KIRREL1: variants seen among roughly 807,000 people sequenced by gnomAD.
KIRREL1 encodes the protein kin of IRRE-like protein 1.
Under a neutral mutation model 83.3 loss-of-function variants are expected in KIRREL1, and 25 were observed. That is an observed-to-expected ratio of 0.30 (90% CI 0.22 to 0.42). The LOEUF is 0.42. Ranked by LOEUF, KIRREL1 falls within the 10% of genes least tolerant of loss-of-function variation. The pLI is 1.00. For missense variants in KIRREL1, 812 were observed against 1,032.3 expected (o/e 0.79, Z 2.92); for synonymous variants, 388 against 410.4 (o/e 0.95, Z 0.66).
In KIRREL1 at chr1:158,094,756, C is replaced by T; in HGVS notation, c.1910C>T (p.Pro637Leu). Reference protein sequence around the residue: ...APGPARFDGRPSSRLSHSSGY... With the variant: ...APGPARFDGRLSSRLSHSSGY... ...GGCCCTGCCCGCTTCGACGGCCGCC[C>T]CTCATCCCGTCTCTCCCACTCCAGC... is the stretch of plus-strand genomic sequence containing the variant. The change falls in exon 15 of 15, where the codon CCC becomes CTC. Residue 637 changes from proline (P) to leucine (L), a missense_variant. By Grantham distance (98) the Pro-to-Leu change is moderately conservative (BLOSUM62 -3). This residue lies in a region of KIRREL1 where 334 missense variants were observed against 383.7 expected (regional missense o/e 0.87). Coordinates refer to ENST00000359209, the MANE Select transcript of KIRREL1 (RefSeq NM_018240.7). This position sits in a 1 kb window ranked among gnomAD's most constrained non-coding sequence, Gnocchi z 4.6. 1 of 1,613,920 alleles carries T rather than the reference C, an allele frequency of 6.2e-7. No individual in the cohort carries two copies. The highest frequency in any genetic ancestry group is 8.5e-7 in the Non-Finnish European group (1 of 1,179,990).
chr1:158,072,685 T>A (rs1327663065), intron 1 of KIRREL1, among the ~76,000 whole-genome samples: 1 of 151,746 alleles, frequency 6.6e-6, no homozygotes, highest in Non-Finnish European at 1.5e-5. Flanking sequence ...CAATGCTGGG[T>A]GGAACTTGGA....
chr1:158,000,543 T>C (rs1659332746), intron 1 of KIRREL1, among the ~76,000 whole-genome samples: 1 of 152,226 alleles, frequency 6.6e-6, no homozygotes, highest in Non-Finnish European at 1.5e-5. Context: ...TGTCAGACAA[T>C]GCGAACCTAA....
chr1:158,078,955 C>T (rs1661766084), intron 3 of KIRREL1, among the ~76,000 whole-genome samples: 1 of 151,594 alleles, frequency 6.6e-6, no homozygotes, highest in Admixed American at 6.6e-5. Flanking sequence ...ACACCCCTTG[C>T]CCCCCCTCAC....
chr1:158,075,044 A>G (rs1212902259), intron 1 of KIRREL1, among the ~76,000 whole-genome samples: 1 of 151,762 alleles, frequency 6.6e-6, no homozygotes, highest in Non-Finnish European at 1.5e-5. Context: ...TCCTTCAGTC[A>G]CTCCCTTGTC....
rs1312492501 is a variant in KIRREL1 at position 158,087,845 on chromosome 1, A to C, written c.752A>C (p.Glu251Ala). The C allele has an allele frequency of 6.2e-7, 1 of 1,613,834 alleles. No individual in the cohort carries two copies. Among genetic ancestry groups the C allele is most frequent in the African/African-American group, 1.3e-5 (1 of 74,882 alleles). ...VFTCQATANP[E>A]ILGYRWAKGG... ...ACCTGCCAGGCCACAGCCAACCCCGAGATCTTGGGCTACAGGTGAGGGGGT... is the reference window on the plus strand; with the variant it reads ...ACCTGCCAGGCCACAGCCAACCCCGCGATCTTGGGCTACAGGTGAGGGGGT... Residue 251 changes from glutamate (E) to alanine (A), a missense_variant, in exon 6 of 15, where the codon GAG (glutamate) becomes GCG (alanine). Transcript: ENST00000359209.
Position 158,089,490 on chromosome 1 carries a change from C to G in KIRREL1, c.1045-12C>G, listed in dbSNP as rs1048701791. The G allele has an allele frequency of 2.5e-6, 4 of 1,613,916 alleles. No homozygotes were observed. Among genetic ancestry groups the G allele is most frequent in the East Asian group, 2.2e-5 (1 of 44,886 alleles). The stretch of plus-strand genomic sequence containing the variant: ...TCCTGGCTCCCCACCCGAGGCTGCT[C>G]TCTCTGCCCAGGTCCTGAGTAACAG... On this transcript the variant is annotated splice_polypyrimidine_tract_variant and intron_variant, in intron 8 of 14. Coordinates refer to ENST00000359209, the MANE Select transcript of KIRREL1 (RefSeq NM_018240.7).
chr1:158,091,220 G>A, intron 10 of KIRREL1, 138 bp from the exon 11 acceptor site: 2 of 690,908 alleles, frequency 2.9e-6, no homozygotes, highest in Non-Finnish European at 2.4e-6. Context: ...TTTGTTACAG[G>A]GAGGTGTTAG....
intron 1 of KIRREL1, among the ~76,000 whole-genome samples, chr1:158,073,090 A>G (rs1661564946): frequency 6.6e-6 from 1 of 152,136 alleles, no homozygotes; most frequent in Non-Finnish European, 1.5e-5. Flanking sequence ...CATCTGAACT[A>G]TATTTGGGAT....
intron 1 of KIRREL1, among the ~76,000 whole-genome samples, chr1:158,014,160 G>C (rs762589993): frequency 6.6e-6 from 1 of 151,890 alleles, no homozygotes; most frequent in African/African-American, 2.4e-5. Flanking sequence ...GGAGGGCAAC[G>C]AGGAAGGTAA....
chr1:158,049,656 T>G (rs1271963208), intron 1 of KIRREL1, among the ~76,000 whole-genome samples: 1 of 152,108 alleles, frequency 6.6e-6, no homozygotes, highest in Non-Finnish European at 1.5e-5. Context: ...AGCAGGCTGG[T>G]GACAGGGGAA....
intron 3 of KIRREL1, among the ~76,000 whole-genome samples, chr1:158,081,947 A>G (rs1661873243): frequency 6.6e-6 from 1 of 152,124 alleles, no homozygotes; most frequent in Admixed American, 6.5e-5. Context: ...CCCATCCAGG[A>G]TCTTCCTCCT....
intron 1 of KIRREL1, among the ~76,000 whole-genome samples, chr1:158,058,093 T>A (rs2101601396): frequency 6.6e-6 from 1 of 152,302 alleles, no homozygotes; most frequent in South Asian, 2.1e-4. Context: ...CCTCATAGAT[T>A]GCTTGTATCT....
chr1:158,009,250 A>C (rs939145567), intron 1 of KIRREL1, among the ~76,000 whole-genome samples: 1 of 152,000 alleles, frequency 6.6e-6, no homozygotes, highest in Non-Finnish European at 1.5e-5. Flanking sequence ...GACATATTGA[A>C]TTTTCTTTCA....
chr1:158,081,276 G>A (rs559608279), intron 3 of KIRREL1, among the ~76,000 whole-genome samples: 4 of 152,288 alleles, frequency 2.6e-5, no homozygotes, highest in East Asian at 1.9e-4. Flanking sequence ...TCGAGCCTCC[G>A]TTCCTTATCT....
intron 1 of KIRREL1, among the ~76,000 whole-genome samples, chr1:158,010,612 C>G (rs1456435975): frequency 1.3e-5 from 2 of 152,200 alleles, no homozygotes; most frequent in Non-Finnish European, 2.9e-5. Context: ...AAAGGTTTTG[C>G]TGAATCTTGT....
intron 1 of KIRREL1, among the ~76,000 whole-genome samples, chr1:158,052,365 G>C (rs931423064): frequency 1.3e-5 from 2 of 152,118 alleles, no homozygotes; most frequent in African/African-American, 4.8e-5. Flanking sequence ...CTTAGTCTAA[G>C]TGATATCTCC....
chr1:158,084,635 CT>C, intron 4 of KIRREL1, 56 bp downstream of exon 4: 1 of 1,525,550 alleles, frequency 6.6e-7, no homozygotes. Flanking sequence ...CTCACCTCTC[CT>C]TTCCCACAGG....
chr1:158,022,117 C>A (rs1230393878), intron 1 of KIRREL1, among the ~76,000 whole-genome samples: 1 of 151,916 alleles, frequency 6.6e-6, no homozygotes, highest in Non-Finnish European at 1.5e-5. Context: ...ATTTTGGGTT[C>A]TGGAGAAGTG....
intron 11 of KIRREL1, among the ~76,000 whole-genome samples, chr1:158,091,847 G>A (rs1322561185): frequency 2.0e-5 from 3 of 152,200 alleles, no homozygotes; most frequent in African/African-American, 7.2e-5. Flanking sequence ...CCCTCACTTC[G>A]TTAAAGTGTA....
Sources: allele counts gnomAD v4.1 joint callset (sites outside exome capture counted in the v4.1 genomes callset), GRCh38; gene constraint gnomAD v4.1.1; regional missense constraint gnomAD v4.1.1; non-coding constraint Gnocchi (gnomAD v3.1); transcripts MANE v1.5; gene names NCBI Gene and HGNC (gene_info 2026-07-23, HGNC 2026-07-21).